DACH2: variants seen among roughly 807,000 people sequenced by gnomAD.
DACH2 encodes the protein dachshund family transcription factor 2.
In DACH2, 17 loss-of-function variants were observed where a neutral mutation model predicts 35.8. The ratio of observed to expected loss-of-function variants is 0.48; its 90% CI spans 0.33 to 0.71. DACH2 has a LOEUF of 0.71. DACH2 is among the 30% of genes least tolerant of loss of function. The probability of loss-of-function intolerance (pLI) is 0.02; values close to 1 mark genes in which losing one functional copy is unlikely to be tolerated. For synonymous variants in DACH2, 195 were observed against 177.3 expected (o/e 1.10, Z -0.79); for missense variants, 469 against 472.7 (o/e 0.99, Z 0.07).
chrX:86,321,829 C>T (rs1208168192), intron 1 of DACH2, among the ~76,000 whole-genome samples: 1 of 112,164 alleles, frequency 8.9e-6, no homozygotes, highest in Non-Finnish European at 1.9e-5. Flanking sequence ...TTATCAGGGT[C>T]ATCAGAGAAC....
At chrX:86,356,851 G>A (rs1246994432) in intron 1 of DACH2, among the ~76,000 whole-genome samples, 1 of 111,061 alleles carries the variant, frequency 9.0e-6, no homozygotes, top group East Asian at 2.8e-4. Context: ...AGAGGTTTTT[G>A]GTTGCTTGGA....
intron 2 of DACH2, among the ~76,000 whole-genome samples, chrX:86,398,741 A>T (rs1392884207): frequency 2.2e-4 from 25 of 112,111 alleles, no homozygotes; most frequent in African/African-American, 5.8e-4. Context: ...TTGATTGCAC[A>T]GTCATCTGAG....
At chrX:86,436,257 T>G (rs2037066015) in intron 2 of DACH2, among the ~76,000 whole-genome samples, 1 of 110,701 alleles carries the variant, frequency 9.0e-6, no homozygotes, top group Admixed American at 9.7e-5. Context: ...TAACTGAAAC[T>G]CTTCAGTAGT....
intron 2 of DACH2, among the ~76,000 whole-genome samples, chrX:86,419,430 T>C (rs764127168): frequency 8.9e-6 from 1 of 112,099 alleles, no homozygotes; most frequent in Non-Finnish European, 1.9e-5. Flanking sequence ...CTTACATGTG[T>C]GGCCACAGGC....
At chrX:86,634,191 C>T (rs1442523521) in intron 3 of DACH2, among the ~76,000 whole-genome samples, 2 of 111,275 alleles carry the variant, frequency 1.8e-5, no homozygotes, top group Admixed American at 1.9e-4. Context: ...GAATGGCAAG[C>T]GGAAAATTCA....
chrX:86,207,282 G>A, intron 1 of DACH2, among the ~76,000 whole-genome samples: 1 of 111,635 alleles, frequency 9.0e-6, no homozygotes, highest in Non-Finnish European at 1.9e-5. Context: ...GTTCTTGTAT[G>A]TCTTAGAACA....
intron 3 of DACH2, among the ~76,000 whole-genome samples, chrX:86,575,351 G>C (rs138150374): frequency 0.024 from 2,640 of 110,669 alleles, 92 homozygotes; most frequent in African/African-American, 0.083. Flanking sequence ...TGCAATGGTG[G>C]GGGGGGAAGC....
intron 3 of DACH2, among the ~76,000 whole-genome samples, chrX:86,585,854 A>G (rs1489878713): frequency 9.0e-6 from 1 of 111,574 alleles, no homozygotes; most frequent in Non-Finnish European, 1.9e-5. Flanking sequence ...TGCTATTGTG[A>G]ATAGTGCCGT....
intron 4 of DACH2, among the ~76,000 whole-genome samples, chrX:86,657,810 A>T (rs1447213765): frequency 9.0e-6 from 1 of 111,541 alleles, no homozygotes; most frequent in East Asian, 2.8e-4. Context: ...CTGAAGGCAA[A>T]ATATGACAGA....
At chrX:86,472,456 T>TG (rs2148223628) in intron 2 of DACH2, among the ~76,000 whole-genome samples, 1 of 111,740 alleles carries the variant, frequency 8.9e-6, no homozygotes, top group African/African-American at 3.2e-5. Flanking sequence ...CATTTCAGAC[T>TG]TCTGACCCCA....
chrX:86,427,625 C>G (rs1334368501), intron 2 of DACH2, among the ~76,000 whole-genome samples: 2 of 111,381 alleles, frequency 1.8e-5, no homozygotes, highest in Non-Finnish European at 3.8e-5. Flanking sequence ...GCTGATTCTA[C>G]ATCCCTAAGA....
intron 2 of DACH2, among the ~76,000 whole-genome samples, chrX:86,387,242 T>C (rs1461326365): frequency 9.0e-6 from 1 of 111,546 alleles, no homozygotes; most frequent in Non-Finnish European, 1.9e-5. Context: ...TTGGGAAATA[T>C]GGGATTAAAT....
chrX:86,279,187 A>T (rs890394790), intron 1 of DACH2, among the ~76,000 whole-genome samples: 12 of 110,854 alleles, frequency 1.1e-4, no homozygotes, highest in African/African-American at 3.9e-4. Context: ...CAGTGCTTGA[A>T]CTCTACTAAA....
chrX:86,660,945 C>T (rs926778507), intron 4 of DACH2, among the ~76,000 whole-genome samples: 12 of 111,036 alleles, frequency 1.1e-4, no homozygotes, highest in Non-Finnish European at 1.5e-4. Flanking sequence ...GTGTAAGGGA[C>T]TCAGAAATAA....
At chrX:86,320,542 G>C (rs1438861851) in intron 1 of DACH2, among the ~76,000 whole-genome samples, 1 of 112,114 alleles carries the variant, frequency 8.9e-6, no homozygotes, top group Non-Finnish European at 1.9e-5. Context: ...TTGTCTGTTA[G>C]CTAAAGCCTT....
Position 86,695,056 on chromosome X carries a change from C to A in DACH2, c.808C>A (p.Gln270Lys), listed in dbSNP as rs1411962795. 3 of 1,131,414 alleles carry A rather than the reference C, an allele frequency of 2.7e-6. No homozygotes were observed. Among genetic ancestry groups the A allele is most frequent in the Non-Finnish European group, 3.5e-6 (3 of 854,420 alleles). 93.2% of individuals were successfully genotyped at this position (1,131,414 alleles called of 1,213,427 possible). A position where few individuals can be genotyped will look rare whatever the true frequency, so the allele number is the denominator to read the frequency against. ...ATCCTCCTGGGATAAAGATAAGATGCAGTCTCCATTTGCTGCACCTGGACC... is the reference window on the plus strand; with the variant it reads ...ATCCTCCTGGGATAAAGATAAGATGAAGTCTCCATTTGCTGCACCTGGACC... ...SESSWDKDKM[Q>K]SPFAAPGPQH... Residue 270 changes from glutamine to lysine, a missense_variant, in exon 5 of 12, where the codon CAG becomes AAG. Coordinates refer to ENST00000373125, the MANE Select transcript of DACH2 (RefSeq NM_053281.3).
intron 3 of DACH2, among the ~76,000 whole-genome samples, chrX:86,609,802 C>A (rs1352919693): frequency 9.0e-6 from 1 of 111,349 alleles, no homozygotes; most frequent in African/African-American, 3.3e-5. Context: ...CTTACCTTCT[C>A]CCCCACAAAA....
intron 1 of DACH2, among the ~76,000 whole-genome samples, chrX:86,278,180 A>G (rs2033954399): frequency 8.9e-6 from 1 of 112,126 alleles, no homozygotes; most frequent in East Asian, 2.8e-4. Context: ...TATGCTCAGC[A>G]AATCGATGAG....
chrX:86,582,124 T>A (rs2039509118), intron 3 of DACH2, among the ~76,000 whole-genome samples: 1 of 111,547 alleles, frequency 9.0e-6, no homozygotes, highest in Non-Finnish European at 1.9e-5. Flanking sequence ...TTTTGGGTTA[T>A]CAATGAAATT....
Sources: allele counts gnomAD v4.1 joint callset (sites outside exome capture counted in the v4.1 genomes callset), GRCh38; gene constraint gnomAD v4.1.1; transcripts MANE v1.5; gene names NCBI Gene and HGNC (gene_info 2026-07-23, HGNC 2026-07-21).